The following TMEM272 variants were observed in gnomAD, a reference collection of about 807,000 sequenced individuals.
The protein encoded by TMEM272 is transmembrane protein 272, also known as long intergenic non-protein coding RNA 282.
TMEM272 carries 8 observed loss-of-function variants against 3.7 expected under a neutral mutation model. The ratio of observed to expected loss-of-function variants is 2.17; its 90% CI spans 1.27 to 3.91. The LOEUF is 3.91. TMEM272 is among the 30% of genes most tolerant of loss of function. The pLI, the probability that TMEM272 is intolerant of heterozygous loss-of-function variation, is 0.00. For missense variants in TMEM272, 166 were observed against 91.5 expected (o/e 1.81, Z -3.32); for synonymous variants, 63 against 39.8 (o/e 1.58, Z -2.20).
At chr13:51,834,623 G>C (rs994604638) in intron 2 of TMEM272, among the ~76,000 whole-genome samples, 5 of 152,088 alleles carry the variant, frequency 3.3e-5, no homozygotes, top group Non-Finnish European at 7.4e-5. Flanking sequence ...CAGCTGAGGG[G>C]CTGCAAACAC....
intron 2 of TMEM272, among the ~76,000 whole-genome samples, chr13:51,828,042 G>A (rs9535767): frequency 0.33 from 50,045 of 152,090 alleles, 9,974 homozygotes; most frequent in Admixed American, 0.43. Context: ...GCCAGCCTGC[G>A]AATGAGAACA....
At position 51,826,829 on chromosome 13, in the gene TMEM272, C is replaced by T. The variant is rs534435679; in HGVS notation, c.59-204G>A. ...GACTTGCACTTCTCAGAGAGCTGAA[C>T]ATCTCTCGTGATCACTTTGCCGATG... On this transcript the variant is annotated intron_variant, in intron 2 of 4. Coordinates refer to ENST00000629372, the MANE Select transcript of TMEM272 (RefSeq NM_001351003.2). Among the ~76,000 whole-genome samples the T allele has an allele frequency of 7.2e-5, 11 of 152,354 alleles. No homozygotes were observed. In the East Asian group the frequency reaches 1.5e-3, roughly 21 times the overall value.
the TMEM272 span, among the ~76,000 whole-genome samples, chr13:51,903,240 C>A: frequency 6.6e-6 from 1 of 152,186 alleles, no homozygotes; most frequent in Non-Finnish European, 1.5e-5. Flanking sequence ...GATCTAGAGA[C>A]ACTTTATTTA....
the TMEM272 span, among the ~76,000 whole-genome samples, chr13:51,921,932 G>A: frequency 6.6e-6 from 1 of 152,184 alleles, no homozygotes; most frequent in African/African-American, 2.4e-5. Flanking sequence ...GTATGTGTGT[G>A]TGTGTTGGGG....
At chr13:51,898,315 T>C in the TMEM272 span, among the ~76,000 whole-genome samples, 1 of 151,948 alleles carries the variant, frequency 6.6e-6, no homozygotes, top group African/African-American at 2.4e-5. Context: ...AAGAAACTCC[T>C]GGGGATTTTT....
the TMEM272 span, among the ~76,000 whole-genome samples, chr13:51,887,559 C>T: frequency 6.6e-6 from 1 of 152,176 alleles, no homozygotes; most frequent in Non-Finnish European, 1.5e-5. Flanking sequence ...CAGGACATGC[C>T]CAGACAATGA....
At chr13:51,843,400 G>A (rs914082375) in intron 1 of TMEM272, among the ~76,000 whole-genome samples, 5 of 152,160 alleles carry the variant, frequency 3.3e-5, no homozygotes, top group Non-Finnish European at 4.4e-5. Context: ...AAAACTGCAC[G>A]TTCCTTGGAG....
At chr13:51,848,541 A>C (rs1219036940), upstream of TMEM272, among the ~76,000 whole-genome samples, 1 of 152,234 alleles carries the variant, frequency 6.6e-6, no homozygotes, top group Non-Finnish European at 1.5e-5. Context: ...TGCTGACTCC[A>C]AGCCAGATAC....
chr13:51,850,800 T>TA, the TMEM272 span, among the ~76,000 whole-genome samples: 2 of 152,238 alleles, frequency 1.3e-5, no homozygotes, highest in African/African-American at 4.8e-5. Flanking sequence ...AATCCTAACA[T>TA]TATTAACGTA....
chr13:51,924,005 C>T, the TMEM272 span, among the ~76,000 whole-genome samples: 5 of 152,334 alleles, frequency 3.3e-5, no homozygotes, highest in African/African-American at 9.6e-5. Context: ...TAATAATAAG[C>T]ATCAGGCACC....
At chr13:51,891,767 G>A in the TMEM272 span, among the ~76,000 whole-genome samples, 6 of 152,078 alleles carry the variant, frequency 3.9e-5, no homozygotes, top group Admixed American at 3.3e-4. Context: ...TTTTTGATTC[G>A]AACCCCTAGC....
the TMEM272 span, among the ~76,000 whole-genome samples, chr13:51,897,284 G>C: frequency 6.6e-6 from 1 of 150,476 alleles, no homozygotes; most frequent in Non-Finnish European, 1.5e-5. Context: ...CTGTAGCCCT[G>C]ACCTAGGCTC....
the TMEM272 span, among the ~76,000 whole-genome samples, chr13:51,917,422 T>C: frequency 6.6e-6 from 1 of 152,086 alleles, no homozygotes. Flanking sequence ...AATAATATAA[T>C]TCAAGAACAA....
At chr13:51,912,153 T>C in the TMEM272 span, among the ~76,000 whole-genome samples, 1 of 152,158 alleles carries the variant, frequency 6.6e-6, no homozygotes, top group Non-Finnish European at 1.5e-5. Context: ...ATTCATCTAT[T>C]TGCTGATCAT....
the TMEM272 span, among the ~76,000 whole-genome samples, chr13:51,890,217 C>G: frequency 1.3e-5 from 2 of 152,146 alleles, no homozygotes; most frequent in Admixed American, 1.3e-4. Flanking sequence ...GTTTATCCCC[C>G]AAAAGCTCAT....
At chr13:51,861,244 T>C in the TMEM272 span, among the ~76,000 whole-genome samples, 1 of 152,108 alleles carries the variant, frequency 6.6e-6, no homozygotes, top group Non-Finnish European at 1.5e-5. Flanking sequence ...GGGTACAAAG[T>C]TGCAGATATA....
chr13:51,885,660 G>C, the TMEM272 span, among the ~76,000 whole-genome samples: 3 of 152,198 alleles, frequency 2.0e-5, no homozygotes, highest in Non-Finnish European at 4.4e-5. Flanking sequence ...CATTACAGTA[G>C]AATAAAATCT....
chr13:51,893,204 G>A, the TMEM272 span, among the ~76,000 whole-genome samples: 1 of 152,224 alleles, frequency 6.6e-6, no homozygotes, highest in Admixed American at 6.5e-5. Context: ...CTCAGATGGA[G>A]ATTAGCTTAG....
At chr13:51,856,128 G>T in the TMEM272 span, among the ~76,000 whole-genome samples, 1 of 152,208 alleles carries the variant, frequency 6.6e-6, no homozygotes, top group Non-Finnish European at 1.5e-5. Flanking sequence ...AATCATAGGA[G>T]TGTTGAAAAT....
Sources: allele counts gnomAD v4.1 joint callset (sites outside exome capture counted in the v4.1 genomes callset), GRCh38; gene constraint gnomAD v4.1.1; transcripts MANE v1.5; gene names NCBI Gene and HGNC (gene_info 2026-07-23, HGNC 2026-07-21).